Variants in BICRAL observed in about 807,000 individuals in gnomAD.
BICRAL encodes BICRA like chromatin remodeling complex associated protein, also known as BRD4-interacting chromatin-remodeling complex-associated protein-like.
In BICRAL, 8 loss-of-function variants were observed where a neutral mutation model predicts 91.8. That is an observed-to-expected ratio of 0.09 (90% CI 0.05 to 0.16). The LOEUF (loss-of-function observed/expected upper bound fraction) is 0.16. Among genes scored for constraint, BICRAL ranks in the 10% least tolerant of loss-of-function variants. The probability of loss-of-function intolerance (pLI) is 1.00; values close to 1 mark genes in which losing one functional copy is unlikely to be tolerated. For synonymous variants in BICRAL, 445 were observed against 491.1 expected, an observed-to-expected ratio of 0.91 and a Z score of 1.24; for missense variants, 1,038 against 1,310.9, an observed-to-expected ratio of 0.79 and a Z score of 3.21.
intron 2 of BICRAL, among the ~76,000 whole-genome samples, chr6:42,815,882 G>A (rs1763976492): frequency 1.3e-5 from 2 of 150,674 alleles, no homozygotes; most frequent in Admixed American, 1.3e-4. Context: ...ATCTCGGGAG[G>A]CTGAGGCAGG....
At chr6:42,811,516 G>A (rs570422241) in intron 2 of BICRAL, among the ~76,000 whole-genome samples, 1 of 152,246 alleles carries the variant, frequency 6.6e-6, no homozygotes, top group East Asian at 1.9e-4. Context: ...AGCTACTCGG[G>A]AGGCTGAGGC....
intron 9 of BICRAL, 42 bp downstream of exon 9, chr6:42,855,959 CT>C: frequency 2.8e-6 from 4 of 1,434,588 alleles, no homozygotes; most frequent in South Asian, 1.1e-5. Context: ...CTGAACACTT[CT>C]TTGGGTCCCT....
intron 1 of BICRAL, among the ~76,000 whole-genome samples, chr6:42,769,409 T>C (rs1762686861): frequency 6.6e-6 from 1 of 152,164 alleles, no homozygotes; most frequent in Admixed American, 6.5e-5. Context: ...TTCTGCCCTA[T>C]CCTATTGGTC....
intron 6 of BICRAL, among the ~76,000 whole-genome samples, chr6:42,835,811 G>C (rs1238882378): frequency 8.5e-5 from 13 of 152,202 alleles, no homozygotes; most frequent in Admixed American, 8.5e-4. Flanking sequence ...GTGTGCACCT[G>C]TAGTCCCAGC....
At chr6:42,746,433 C>T (rs1202383568), upstream of BICRAL, among the ~76,000 whole-genome samples, 1 of 152,058 alleles carries the variant, frequency 6.6e-6, no homozygotes, top group East Asian at 1.9e-4. Context: ...TCGCAGGCCT[C>T]CCCCTCCCCC....
chr6:42,788,733 T>C (rs1211066854), intron 1 of BICRAL, among the ~76,000 whole-genome samples: 1 of 152,166 alleles, frequency 6.6e-6, no homozygotes, highest in Non-Finnish European at 1.5e-5. Flanking sequence ...GGGTAGTGGA[T>C]AATTTCAGGA....
chr6:42,853,223 A>G (rs1429104929), intron 7 of BICRAL, among the ~76,000 whole-genome samples: 1 of 151,896 alleles, frequency 6.6e-6, no homozygotes, highest in Non-Finnish European at 1.5e-5. Context: ...CATCTGCAGT[A>G]CCCAATTAGT....
intron 1 of BICRAL, among the ~76,000 whole-genome samples, chr6:42,787,826 C>G (rs1763143495): frequency 6.6e-6 from 1 of 151,500 alleles, no homozygotes; most frequent in Non-Finnish European, 1.5e-5. Flanking sequence ...AATTTTGCTG[C>G]TGTAAAGTGG....
intron 1 of BICRAL, among the ~76,000 whole-genome samples, chr6:42,784,249 C>T (rs1260398013): frequency 6.6e-6 from 1 of 152,114 alleles, no homozygotes; most frequent in African/African-American, 2.4e-5. Flanking sequence ...AAAAGCAAAA[C>T]TGCATTATTA....
chr6:42,752,501 C>T (rs1160598322), intron 1 of BICRAL, among the ~76,000 whole-genome samples: 1 of 152,192 alleles, frequency 6.6e-6, no homozygotes, highest in Non-Finnish European at 1.5e-5. Context: ...AGCTGGAGTG[C>T]AGTGGCATAA....
Position 42,865,270 on chromosome 6 carries a change from C to A in BICRAL, c.3064C>A (p.Arg1022=). Residue 1022 remains arginine (R), a synonymous_variant, in exon 13 of 13, where the codon CGG becomes AGG. Coordinates refer to ENST00000314073, the MANE Select transcript of BICRAL (RefSeq NM_001393499.1). ...CATCTTGGAACTCAAAAAGGCGGGA[C>A]GGCAGCCCCAGAGTGACCCCACGGT... ...KNILELKKAG[R]QPQSDPTVSG... 1 of 1,614,068 alleles carries A rather than the reference C, an allele frequency of 6.2e-7. No individual in the cohort carries two copies. Among genetic ancestry groups the A allele is most frequent in the Non-Finnish European group, 8.5e-7 (1 of 1,179,968 alleles).
At chr6:42,842,104 G>A (rs2113986574) in intron 6 of BICRAL, among the ~76,000 whole-genome samples, 1 of 152,302 alleles carries the variant, frequency 6.6e-6, no homozygotes, top group South Asian at 2.1e-4. Context: ...AACTCTAGCT[G>A]TGCAATAGAA....
At chr6:42,772,224 A>T (rs964878901) in intron 1 of BICRAL, among the ~76,000 whole-genome samples, 14 of 151,644 alleles carry the variant, frequency 9.2e-5, no homozygotes, top group Middle Eastern at 3.4e-3. Flanking sequence ...AGGTTTAGAT[A>T]TTTTTTTTTC....
intron 1 of BICRAL, among the ~76,000 whole-genome samples, chr6:42,804,045 G>A (rs771176334): frequency 1.3e-5 from 2 of 151,998 alleles, no homozygotes; most frequent in East Asian, 1.9e-4. Context: ...TTTTTGAGAC[G>A]GAGTTTCGCT....
chr6:42,841,257 T>C (rs1203762422), intron 6 of BICRAL, among the ~76,000 whole-genome samples: 2 of 147,090 alleles, frequency 1.4e-5, no homozygotes, highest in African/African-American at 2.5e-5. Flanking sequence ...GGCACGATCT[T>C]GGCTCACTGC....
intron 1 of BICRAL, among the ~76,000 whole-genome samples, chr6:42,789,457 A>G (rs1413957476): frequency 2.6e-5 from 4 of 152,096 alleles, no homozygotes; most frequent in Non-Finnish European, 5.9e-5. Flanking sequence ...CCTGGCCAAC[A>G]TGGCAAAACT....
chr6:42,835,895 G>A (rs918408064), intron 6 of BICRAL, among the ~76,000 whole-genome samples: 9 of 152,184 alleles, frequency 5.9e-5, no homozygotes, highest in African/African-American at 9.7e-5. Context: ...GCACCACTGC[G>A]CTATAGCCTG....
At position 42,811,460 on chromosome 6, in the gene BICRAL, A is replaced by G. The variant is rs181060473; in HGVS notation, c.-6+1059A>G. Among the ~76,000 whole-genome samples the G allele has an allele frequency of 7.2e-5, 11 of 152,268 alleles. No individual in the cohort carries two copies. The East Asian group carries it at 9.7e-4, about 13-fold the overall frequency. On this transcript the variant is annotated intron_variant, in intron 2 of 12. Coordinates refer to ENST00000314073, the MANE Select transcript of BICRAL (RefSeq NM_001393499.1). ...ACATGGTGAAACCCCGTCCCTACTA[A>G]AAATACAAAAATTAGCTGGGCGTGG...
At chr6:42,779,226 ACAC>A (rs1762848333), upstream of BICRAL, among the ~76,000 whole-genome samples, 11 of 7,896 alleles carry the variant, frequency 1.4e-3, no homozygotes, top group East Asian at 0.01. Context: ...CAAGAAAAAC[ACAC>A]ACACACACAC....
Sources: allele counts gnomAD v4.1 joint callset (sites outside exome capture counted in the v4.1 genomes callset), GRCh38; gene constraint gnomAD v4.1.1; transcripts MANE v1.5; gene names NCBI Gene and HGNC (gene_info 2026-07-23, HGNC 2026-07-21).